The following CCSER1 variants were observed in gnomAD, a reference collection of about 807,000 sequenced individuals.
CCSER1 encodes coiled-coil serine rich protein 1.
CCSER1 carries 41 observed loss-of-function variants against 82.0 expected under a neutral mutation model. The observed-to-expected ratio is 0.50, with a 90% CI of 0.39 to 0.65. The LOEUF is 0.65. Among genes scored for constraint, CCSER1 ranks in the 30% least tolerant of loss-of-function variants. The probability of loss-of-function intolerance (pLI) is 0.00; values close to 1 mark genes in which losing one functional copy is unlikely to be tolerated. For missense variants in CCSER1, 1,119 were observed against 1,064.2 expected, an observed-to-expected ratio of 1.05 and a Z score of -0.72; for synonymous variants, 414 against 383.9, an observed-to-expected ratio of 1.08 and a Z score of -0.92.
intron 5 of CCSER1, among the ~76,000 whole-genome samples, chr4:90,610,178 A>G (rs1373421366): frequency 4.6e-5 from 7 of 151,966 alleles, no homozygotes; most frequent in South Asian, 2.1e-4. Flanking sequence ...GTGTGAACCC[A>G]GGAGGCGGAG....
At chr4:91,327,231 C>T (rs1045544466) in intron 10 of CCSER1, among the ~76,000 whole-genome samples, 1 of 152,224 alleles carries the variant, frequency 6.6e-6, no homozygotes, top group Non-Finnish European at 1.5e-5. Flanking sequence ...CAAACTTCTG[C>T]CTGGACATCC....
chr4:90,618,722 T>C (rs1721757385), intron 5 of CCSER1, among the ~76,000 whole-genome samples: 1 of 151,948 alleles, frequency 6.6e-6, no homozygotes, highest in Admixed American at 6.6e-5. Context: ...AAAATAAATG[T>C]ATTTTCATAA....
chr4:90,490,946 G>A lies in CCSER1; in HGVS notation c.1724+22592G>A, dbSNP rs191686093. On this transcript the variant is annotated intron_variant, in intron 5 of 10. Coordinates refer to ENST00000509176, the MANE Select transcript of CCSER1 (RefSeq NM_001145065.2). ...ATAGCCTTGTAGTATAGTTTGAAGT[G>A]AGGTAGCATAATGCCTCCAGCTTTG... is the stretch of plus-strand genomic sequence containing the variant. Among the ~76,000 whole-genome samples the A allele has an allele frequency of 1.7e-3, 253 of 152,098 alleles. 1 individual carries two copies. Among genetic ancestry groups the A allele is most frequent in the Non-Finnish European group, 2.8e-3 (190 of 67,954 alleles).
At chr4:90,909,254 A>G (rs1368695629) in intron 8 of CCSER1, among the ~76,000 whole-genome samples, 1 of 152,160 alleles carries the variant, frequency 6.6e-6, no homozygotes, top group Non-Finnish European at 1.5e-5. Flanking sequence ...ATCAAGTATA[A>G]TCTCTTTTTA....
chr4:90,353,715 A>T (rs1427613976), intron 3 of CCSER1, among the ~76,000 whole-genome samples: 1 of 152,186 alleles, frequency 6.6e-6, no homozygotes, highest in Non-Finnish European at 1.5e-5. Context: ...TTCTGAAAAC[A>T]CAAGACAATA....
intron 7 of CCSER1, among the ~76,000 whole-genome samples, chr4:90,754,139 A>G (rs187141659): frequency 8.5e-5 from 13 of 152,258 alleles, no homozygotes; most frequent in Admixed American, 4.6e-4. Flanking sequence ...ACCTGACATT[A>G]CATTGTATGC....
intron 8 of CCSER1, among the ~76,000 whole-genome samples, chr4:90,863,948 GTTTTT>G (rs1765408294): frequency 7.8e-6 from 1 of 128,978 alleles, no homozygotes; most frequent in East Asian, 2.3e-4. Flanking sequence ...TACCTATCAC[GTTTTT>G]ATTTTATTTT....
chr4:90,924,787 C>T (rs1015085854), intron 9 of CCSER1, among the ~76,000 whole-genome samples: 3 of 152,002 alleles, frequency 2.0e-5, no homozygotes, highest in South Asian at 2.1e-4. Context: ...AGTGCACTGG[C>T]GCGATCTCGG....
intron 1 of CCSER1, among the ~76,000 whole-genome samples, chr4:90,192,948 C>T (rs951529098): frequency 6.6e-6 from 1 of 152,032 alleles, no homozygotes; most frequent in African/African-American, 2.4e-5. Flanking sequence ...TTCCAGAGAA[C>T]AGCTTGTGCC....
At chr4:90,483,309 G>A (rs959204073) in intron 5 of CCSER1, among the ~76,000 whole-genome samples, 2 of 152,110 alleles carry the variant, frequency 1.3e-5, no homozygotes, top group African/African-American at 4.8e-5. Context: ...ACACTAATGG[G>A]TCTTGACTCT....
At chr4:91,441,917 A>G (rs1478814790) in intron 10 of CCSER1, among the ~76,000 whole-genome samples, 1 of 152,134 alleles carries the variant, frequency 6.6e-6, no homozygotes, top group Non-Finnish European at 1.5e-5. Context: ...CTTACAAGGG[A>G]TGTGAAGGAC....
chr4:90,894,846 C>T (rs1057200114), intron 8 of CCSER1, among the ~76,000 whole-genome samples: 7 of 151,704 alleles, frequency 4.6e-5, no homozygotes, highest in African/African-American at 1.5e-4. Flanking sequence ...TGGCAGTGCT[C>T]GGAATTCAAT....
intron 10 of CCSER1, among the ~76,000 whole-genome samples, chr4:91,565,731 A>T (rs938159495): frequency 1.3e-5 from 2 of 152,064 alleles, no homozygotes; most frequent in Non-Finnish European, 2.9e-5. Flanking sequence ...AATGCTAGTG[A>T]GGCTGTACAT....
chr4:90,412,108 T>C (rs1299236459), intron 4 of CCSER1, among the ~76,000 whole-genome samples: 4 of 151,894 alleles, frequency 2.6e-5, no homozygotes, highest in Admixed American at 6.6e-5. Flanking sequence ...ATGTGGCACA[T>C]ATATACCATG....
intron 10 of CCSER1, among the ~76,000 whole-genome samples, chr4:91,254,613 G>C (rs983581386): frequency 1.3e-5 from 2 of 152,098 alleles, no homozygotes; most frequent in African/African-American, 4.8e-5. Context: ...TATGGAGTTG[G>C]ATGGGGGCAA....
At chr4:90,129,074 A>C (rs780048062) in intron 1 of CCSER1, among the ~76,000 whole-genome samples, 6 of 151,966 alleles carry the variant, frequency 3.9e-5, no homozygotes, top group Non-Finnish European at 8.8e-5. Flanking sequence ...ACTTGGTTTC[A>C]ACAGCTTTCA....
intron 4 of CCSER1, among the ~76,000 whole-genome samples, chr4:90,443,815 A>G (rs1396036434): frequency 2.0e-5 from 3 of 152,028 alleles, no homozygotes; most frequent in African/African-American, 4.8e-5. Flanking sequence ...TGCCTTCATG[A>G]GGTTTAAATT....
chr4:91,137,654 C>G lies in CCSER1; in HGVS notation c.2217+51660C>G, dbSNP rs1221284182. 2.6e-4 allele frequency among the ~76,000 whole-genome samples: 39 copies of G among 148,796 alleles called. 1 individual carries two copies. The East Asian group carries it at 3.8e-3, about 15-fold the overall frequency. On this transcript the variant is annotated intron_variant, in intron 10 of 10. Transcript: ENST00000509176. ...CAGTGTCAAAGTGTTCCTATTTCTCCACATCCTCTCCAGCACCTGTTGTTT... is the reference window on the plus strand; with the variant it reads ...CAGTGTCAAAGTGTTCCTATTTCTCGACATCCTCTCCAGCACCTGTTGTTT...
chr4:91,025,392 T>G (rs1740399261), intron 9 of CCSER1, among the ~76,000 whole-genome samples: 1 of 152,192 alleles, frequency 6.6e-6, no homozygotes, highest in South Asian at 2.1e-4. Context: ...TTTTTCATTT[T>G]CACTTCATTC....
Sources: allele counts gnomAD v4.1 joint callset (sites outside exome capture counted in the v4.1 genomes callset), GRCh38; gene constraint gnomAD v4.1.1; transcripts MANE v1.5; gene names NCBI Gene and HGNC (gene_info 2026-07-23, HGNC 2026-07-21).